Variants in STXBP5 observed in about 807,000 individuals in gnomAD.
STXBP5 encodes syntaxin binding protein 5, also known as syntaxin-binding protein 5.
STXBP5 carries 50 observed loss-of-function variants against 152.4 expected under a neutral mutation model. The observed-to-expected ratio is 0.33, with a 90% CI of 0.26 to 0.42. The LOEUF is 0.42. Among genes scored for constraint, STXBP5 ranks in the 10% least tolerant of loss-of-function variants. The pLI, the probability that STXBP5 is intolerant of heterozygous loss-of-function variation, is 1.00. For synonymous variants in STXBP5, 492 were observed against 494.7 expected (o/e 0.99, Z 0.07); for missense variants, 1,167 against 1,388.6 (o/e 0.84, Z 2.54).
At chr6:147,238,304 G>C (rs1218017751) in intron 3 of STXBP5, among the ~76,000 whole-genome samples, 1 of 152,162 alleles carries the variant, frequency 6.6e-6, no homozygotes, top group Non-Finnish European at 1.5e-5. Context: ...AAAGAGGTCA[G>C]CCTCACTTTA....
chr6:147,376,543 G>A (rs762182656), intron 26 of STXBP5, among the ~76,000 whole-genome samples: 34 of 152,176 alleles, frequency 2.2e-4, no homozygotes, highest in African/African-American at 7.5e-4. Context: ...AAAGGCCAGC[G>A]TCGAGTCTCA....
At chr6:147,333,130 G>T (rs576179715) in intron 18 of STXBP5, among the ~76,000 whole-genome samples, 78 of 152,234 alleles carry the variant, frequency 5.1e-4, no homozygotes, top group African/African-American at 1.8e-3. Flanking sequence ...TTTTATCAAA[G>T]ATTAAATGCA....
chr6:147,218,630 A>C (rs117236938), intron 2 of STXBP5, among the ~76,000 whole-genome samples: 7 of 152,068 alleles, frequency 4.6e-5, no homozygotes. Flanking sequence ...ACAGGTGCAC[A>C]CCATCACACC....
intron 16 of STXBP5, among the ~76,000 whole-genome samples, chr6:147,322,009 T>C (rs1782961058): frequency 6.6e-6 from 1 of 152,208 alleles, no homozygotes; most frequent in Non-Finnish European, 1.5e-5. Context: ...AAATAAGAAT[T>C]CCATGAGTTC....
At chr6:147,275,837 C>T (rs187232019) in intron 7 of STXBP5, among the ~76,000 whole-genome samples, 11 of 151,830 alleles carry the variant, frequency 7.2e-5, no homozygotes, top group Non-Finnish European at 1.3e-4. Flanking sequence ...GATTACAGGC[C>T]TGAGCCACCG....
intron 25 of STXBP5, among the ~76,000 whole-genome samples, chr6:147,369,700 A>T (rs1279278562): frequency 6.6e-6 from 1 of 152,060 alleles, no homozygotes; most frequent in African/African-American, 2.4e-5. Context: ...ATTATTTATC[A>T]TTAGAGAACT....
chr6:147,328,915 C>T, intron 18 of STXBP5: 1 of 302,216 alleles, frequency 3.3e-6, no homozygotes, highest in Non-Finnish European at 6.5e-6. Context: ...CATCTCATGA[C>T]ATGTATATGA....
chr6:147,260,582 A>G (rs1461253440), intron 4 of STXBP5, 33 bp from the exon 5 acceptor site: 7 of 1,612,900 alleles, frequency 4.3e-6, no homozygotes, highest in South Asian at 3.3e-5. Context: ...CCATTTTTCA[A>G]ATTTCTTTTT....
At chr6:147,373,995 G>C (rs1018097409) in intron 26 of STXBP5, among the ~76,000 whole-genome samples, 153 bp downstream of exon 26, 5 of 151,688 alleles carry the variant, frequency 3.3e-5, no homozygotes, top group African/African-American at 1.2e-4. Context: ...ATTATTTTCT[G>C]TTATTCTATC....
intron 26 of STXBP5, 41 bp downstream of exon 26, chr6:147,373,883 C>A: frequency 6.7e-7 from 1 of 1,499,090 alleles, no homozygotes; most frequent in Non-Finnish European, 9.2e-7. Context: ...ATCTATAAAA[C>A]AGGAACAAGC....
chr6:147,364,424 G>A (rs965423986), intron 25 of STXBP5, among the ~76,000 whole-genome samples: 1 of 151,990 alleles, frequency 6.6e-6, no homozygotes, highest in Admixed American at 6.6e-5. Flanking sequence ...AATATGAACT[G>A]GTGCATACAT....
chr6:147,348,319 G>C (rs1784432095), intron 21 of STXBP5, among the ~76,000 whole-genome samples: 1 of 151,814 alleles, frequency 6.6e-6, no homozygotes, highest in Admixed American at 6.6e-5. Context: ...GACATCCTAG[G>C]ATTTAAATCC....
At chr6:147,249,513 G>A (rs1778982731) in intron 4 of STXBP5, among the ~76,000 whole-genome samples, 1 of 152,136 alleles carries the variant, frequency 6.6e-6, no homozygotes, top group Non-Finnish European at 1.5e-5. Flanking sequence ...TAGCAGAATT[G>A]TCCCCTACAC....
intron 2 of STXBP5, among the ~76,000 whole-genome samples, chr6:147,223,398 G>T (rs1777555428): frequency 6.6e-6 from 1 of 152,132 alleles, no homozygotes; most frequent in Non-Finnish European, 1.5e-5. Context: ...TATTAAGTCA[G>T]TCAGAAGCTA....
intron 2 of STXBP5, among the ~76,000 whole-genome samples, chr6:147,206,684 T>C (rs1032953566): frequency 1.3e-5 from 2 of 152,182 alleles, no homozygotes; most frequent in Admixed American, 6.5e-5. Context: ...ACATTTGTTA[T>C]GTATTTGTAA....
rs764684701 is a variant in STXBP5, at chr6:147,324,263, G to GTTTTT, written c.1803-696_1803-695insTTTTT. 1.3e-3 allele frequency among the ~76,000 whole-genome samples: 108 copies of GTTTTT among 85,024 alleles called. 9 individuals carry two copies. The highest frequency in any genetic ancestry group is 1.7e-3 in the South Asian group (4 of 2,326). 55.8% of individuals were successfully genotyped at this position (85,024 alleles called of 152,430 possible). A position where few individuals can be genotyped will look rare whatever the true frequency, so the allele number is the denominator to read the frequency against. On this transcript the variant is annotated intron_variant, in intron 16 of 27. Transcript: ENST00000321680. ...TTTAAGTTTTGTGGGGTTTTTTTTTGGTTTTTTTTTTTTTTTTTTTTTTTT... is the reference window on the plus strand; with the variant it reads ...TTTAAGTTTTGTGGGGTTTTTTTTTGTTTTTGTTTTTTTTTTTTTTTTTTTTTTTT...
At chr6:147,234,784 T>G (rs1396110628) in intron 2 of STXBP5, among the ~76,000 whole-genome samples, 1 of 151,946 alleles carries the variant, frequency 6.6e-6, no homozygotes, top group African/African-American at 2.4e-5. Context: ...TACTTAAAAA[T>G]TACACTGCAG....
intron 2 of STXBP5, among the ~76,000 whole-genome samples, chr6:147,226,808 A>G (rs967514587): frequency 2.6e-5 from 4 of 152,182 alleles, no homozygotes; most frequent in Non-Finnish European, 5.9e-5. Context: ...CTCAGTGCCT[A>G]TTAAAGTTCT....
At position 147,380,173 on chromosome 6, in the gene STXBP5, T is replaced by TACACACAC. The variant is rs58343558; in HGVS notation, c.3194-2575_3194-2568dup. Among the ~76,000 whole-genome samples the TACACACAC allele has an allele frequency of 6.8e-3, 980 of 143,102 alleles. 10 individuals carry two copies. Among genetic ancestry groups the TACACACAC allele is most frequent in the African/African-American group, 0.023 (876 of 38,008 alleles). 93.9% of individuals were successfully genotyped at this position (143,102 alleles called of 152,430 possible). ...ATACAAAGAATTCAAAATAGCCACG[T>TACACACAC]ACACACACACACACACACACACACA... On this transcript the variant is annotated intron_variant, in intron 26 of 27. Transcript: ENST00000321680.
Sources: gnomAD v4.1 joint callset for allele counts (sites outside exome capture counted in the v4.1 genomes callset) on GRCh38, gnomAD v4.1.1 for gene constraint, MANE v1.5 for transcripts, NCBI Gene and HGNC (gene_info 2026-07-23, HGNC 2026-07-21) for gene names.